MALRD1: variants seen among roughly 807,000 people sequenced by gnomAD.
MALRD1 encodes the protein MAM and LDL receptor class A domain containing 1, also known as MAM and LDL-receptor class A domain-containing protein 1.
In MALRD1, 247 loss-of-function variants were observed where a neutral mutation model predicts 242.1. The observed-to-expected ratio is 1.02, with a 90% CI of 0.92 to 1.13. The LOEUF (loss-of-function observed/expected upper bound fraction) is 1.13, where lower values mean the gene tolerates loss of function less well. Ranked by LOEUF, MALRD1 falls within the 50% of genes most tolerant of loss-of-function variation. MALRD1 has a pLI of 0.00. For missense variants in MALRD1, 2,989 were observed against 2,533.1 expected, an observed-to-expected ratio of 1.18 and a Z score of -3.86; for synonymous variants, 995 against 866.6, an observed-to-expected ratio of 1.15 and a Z score of -2.60.
intron 32 of MALRD1, among the ~76,000 whole-genome samples, chr10:19,540,144 C>A (rs1199685982): frequency 6.6e-6 from 1 of 152,000 alleles, no homozygotes; most frequent in Admixed American, 6.6e-5. Flanking sequence ...CACCTAGAAT[C>A]TGTCATTAGA....
chr10:19,446,142 A>G (rs1249512594), intron 28 of MALRD1, among the ~76,000 whole-genome samples: 2 of 152,112 alleles, frequency 1.3e-5, no homozygotes, highest in African/African-American at 2.4e-5. Flanking sequence ...GGAAAAGTGC[A>G]GTATTAGCAT....
chr10:19,271,526 A>G lies in MALRD1; in HGVS notation c.3080-8521A>G, dbSNP rs1386747630. Among the ~76,000 whole-genome samples the G allele has an allele frequency of 2.0e-5, 3 of 152,294 alleles. No individual in the cohort carries two copies. The East Asian group carries it at 5.8e-4, about 29-fold the overall frequency. On this transcript the variant is annotated intron_variant, in intron 19 of 39. Transcript: ENST00000454679. The stretch of plus-strand genomic sequence containing the variant: ...ATGCCTGTAATCCCAGCACTTTGGG[A>G]GGCCGAGGCGGGCAGATCACGAGGT...
chr10:19,674,497 G>T (rs577302981), intron 36 of MALRD1, among the ~76,000 whole-genome samples: 2 of 152,106 alleles, frequency 1.3e-5, no homozygotes, highest in Non-Finnish European at 2.9e-5. Flanking sequence ...TCTGCAGTTG[G>T]TAGAAATTCC....
chr10:19,417,179 T>G (rs1833542831), intron 28 of MALRD1, among the ~76,000 whole-genome samples: 1 of 152,210 alleles, frequency 6.6e-6, no homozygotes, highest in South Asian at 2.1e-4. Context: ...CTTTGCCTCC[T>G]TAATTTTTCT....
At chr10:19,684,465 C>T (rs937159479) in intron 36 of MALRD1, among the ~76,000 whole-genome samples, 1 of 152,086 alleles carries the variant, frequency 6.6e-6, no homozygotes, top group African/African-American at 2.4e-5. Context: ...ACAAAAAATA[C>T]CTGCTAATGG....
intron 36 of MALRD1, among the ~76,000 whole-genome samples, chr10:19,625,060 AAGAG>A (rs3069631): frequency 2.0e-5 from 3 of 148,516 alleles, no homozygotes; most frequent in Non-Finnish European, 3.0e-5. Flanking sequence ...CTATTTTAAA[AAGAG>A]AGAGAGAGAG....
chr10:19,196,217 C>A (rs1314633601), intron 14 of MALRD1, among the ~76,000 whole-genome samples: 1 of 152,172 alleles, frequency 6.6e-6, no homozygotes, highest in African/African-American at 2.4e-5. Context: ...TTAAAAATAT[C>A]TTCTCTTGAT....
chr10:19,315,945 A>G (rs1337078580), intron 21 of MALRD1, among the ~76,000 whole-genome samples: 2 of 150,166 alleles, frequency 1.3e-5, no homozygotes, highest in African/African-American at 2.4e-5. Flanking sequence ...TACTAAATTC[A>G]TATACCTATG....
At chr10:19,348,803 G>A (rs966189800) in intron 25 of MALRD1, among the ~76,000 whole-genome samples, 14 of 152,152 alleles carry the variant, frequency 9.2e-5, no homozygotes, top group African/African-American at 3.1e-4. Flanking sequence ...GAGATCACAA[G>A]CACTCAGAGA....
intron 8 of MALRD1, among the ~76,000 whole-genome samples, chr10:19,131,357 G>A (rs1170525632): frequency 6.6e-6 from 1 of 152,074 alleles, no homozygotes; most frequent in Non-Finnish European, 1.5e-5. Flanking sequence ...AACTTGAGAA[G>A]TGAAAAACTC....
chr10:19,328,391 C>G (rs905175704), intron 23 of MALRD1, among the ~76,000 whole-genome samples: 6 of 152,128 alleles, frequency 3.9e-5, no homozygotes, highest in African/African-American at 9.7e-5. Flanking sequence ...AGTGAGAACA[C>G]AGAGCCATTT....
intron 36 of MALRD1, among the ~76,000 whole-genome samples, chr10:19,624,888 A>G (rs971131279): frequency 7.9e-5 from 12 of 151,426 alleles, no homozygotes; most frequent in Non-Finnish European, 1.6e-4. Flanking sequence ...GAAAAAAAAA[A>G]AAAAAAAAAA....
intron 14 of MALRD1, among the ~76,000 whole-genome samples, chr10:19,183,854 T>C (rs74118832): frequency 0.011 from 1,618 of 152,302 alleles, 24 homozygotes; most frequent in African/African-American, 0.035. Context: ...ATTTATATTA[T>C]GATATAAAAG....
intron 26 of MALRD1, among the ~76,000 whole-genome samples, chr10:19,387,147 C>A (rs933639797): frequency 6.6e-6 from 1 of 152,080 alleles, no homozygotes; most frequent in Admixed American, 6.6e-5. Flanking sequence ...AATACATGAT[C>A]TCTTAGCTGC....
chr10:19,347,385 G>C (rs1238865731), intron 24 of MALRD1, among the ~76,000 whole-genome samples: 1 of 152,018 alleles, frequency 6.6e-6, no homozygotes, highest in African/African-American at 2.4e-5. Context: ...TTTGCTTGGG[G>C]CAGCATTACC....
chr10:19,324,321 C>T (rs567992443), intron 22 of MALRD1, among the ~76,000 whole-genome samples: 8 of 152,240 alleles, frequency 5.3e-5, no homozygotes, highest in Admixed American at 5.2e-4. Flanking sequence ...AATGTTGTCT[C>T]TATGCTGAGG....
At chr10:19,506,531 G>C (rs1833152218) in intron 31 of MALRD1, among the ~76,000 whole-genome samples, 1 of 152,068 alleles carries the variant, frequency 6.6e-6, no homozygotes, top group South Asian at 2.1e-4. Context: ...ATTGACACTT[G>C]TGTATCATAC....
chr10:19,533,036 T>C (rs1455324219), intron 32 of MALRD1, among the ~76,000 whole-genome samples: 5 of 152,146 alleles, frequency 3.3e-5, no homozygotes, highest in Non-Finnish European at 7.4e-5. Flanking sequence ...CTACAGTTCC[T>C]CATCAAAGCA....
chr10:19,627,112 A>C (rs1839687810), intron 36 of MALRD1, among the ~76,000 whole-genome samples: 1 of 152,158 alleles, frequency 6.6e-6, no homozygotes, highest in African/African-American at 2.4e-5. Context: ...GATGAGTTGG[A>C]ATATGTAATA....
Sources: allele counts gnomAD v4.1 joint callset (sites outside exome capture counted in the v4.1 genomes callset), GRCh38; gene constraint gnomAD v4.1.1; transcripts MANE v1.5; gene names NCBI Gene and HGNC (gene_info 2026-07-23, HGNC 2026-07-21).